The following VPS13B variants were observed in gnomAD, a reference collection of about 807,000 sequenced individuals.
VPS13B encodes vacuolar protein sorting 13 homolog B.
Under a neutral mutation model 426.4 loss-of-function variants are expected in VPS13B, and 285 were observed. The ratio of observed to expected loss-of-function variants is 0.67; its 90% CI spans 0.61 to 0.74. The LOEUF (loss-of-function observed/expected upper bound fraction) is 0.74, where lower values mean the gene tolerates loss of function less well. VPS13B is among the 30% of genes least tolerant of loss of function. VPS13B has a pLI of 0.00. For missense variants in VPS13B, 4,537 were observed against 4,782.6 expected, an observed-to-expected ratio of 0.95 and a Z score of 1.51; for synonymous variants, 1,676 against 1,676.4, an observed-to-expected ratio of 1.00 and a Z score of 0.01.
chr8:99,804,498 G>A (rs1813290125), intron 43 of VPS13B, among the ~76,000 whole-genome samples: 1 of 152,166 alleles, frequency 6.6e-6, no homozygotes, highest in Non-Finnish European at 1.5e-5. Flanking sequence ...ATTGGGGACG[G>A]AGTGACTGCA....
chr8:99,274,295 G>A lies in VPS13B; in HGVS notation c.2613G>A (p.Gly871=), dbSNP rs543695683. 6.2e-7 allele frequency: 1 copy of A among 1,614,124 alleles called. No individual in the cohort carries two copies. The highest frequency in any genetic ancestry group is 8.5e-7 in the Non-Finnish European group (1 of 1,180,018). The change falls in exon 18 of 62, where the codon GGG becomes GGA. Residue 871 remains glycine (G), a synonymous_variant. Transcript: ENST00000357162. ...CSTSLVKCAS[G]TMGSIKICAK... ...CATCATTGGTCAAATGTGCCTCTGG[G>A]ACCATGGGATCAATAAAAATTTGTG...
At chr8:99,332,512 C>T (rs1295644409) in intron 19 of VPS13B, among the ~76,000 whole-genome samples, 1 of 151,472 alleles carries the variant, frequency 6.6e-6, no homozygotes, top group Non-Finnish European at 1.5e-5. Flanking sequence ...TAATTCAGTA[C>T]ATTCTCTGAG....
intron 36 of VPS13B, among the ~76,000 whole-genome samples, chr8:99,708,879 G>C (rs185004349): frequency 2.0e-5 from 3 of 147,308 alleles, no homozygotes; most frequent in Non-Finnish European, 4.5e-5. Flanking sequence ...TCTCTTTTGC[G>C]CTCTCTATAT....
At chr8:99,567,477 G>GT (rs1407707723) in intron 31 of VPS13B, among the ~76,000 whole-genome samples, 3 of 135,414 alleles carry the variant, frequency 2.2e-5, no homozygotes, top group Admixed American at 8.1e-5. Flanking sequence ...GTTTTTGTTG[G>GT]TGTTTTTTTT....
chr8:99,874,507 A>G (rs7824885), intron 61 of VPS13B, among the ~76,000 whole-genome samples: 2,860 of 152,296 alleles, frequency 0.019, 84 homozygotes, highest in African/African-American at 0.065. Flanking sequence ...ACTAGAAACA[A>G]GTCTTTCTTT....
intron 17 of VPS13B, among the ~76,000 whole-genome samples, chr8:99,267,394 AC>A (rs1396677326): frequency 6.6e-6 from 1 of 152,156 alleles, no homozygotes; most frequent in Non-Finnish European, 1.5e-5. Flanking sequence ...AGTAGGCAGA[AC>A]ATAAAAGTTT....
At position 99,821,432 on chromosome 8, in the gene VPS13B, G is replaced by A. The variant is rs1588747460; in HGVS notation, c.9133G>A (p.Ala3045Thr). The stretch of plus-strand genomic sequence containing the variant: ...TGAAGTTGTGACACTGGATGAAGAA[G>A]CGTTTGTTGATACTGAAATAAGACT... ...NGEVVTLDEE[A>T]FVDTEIRLGA... The change falls in exon 50 of 62, where the codon GCG (alanine) becomes ACG (threonine). Residue 3045 changes from alanine to threonine, a missense_variant. This residue lies in a region of VPS13B where 4,311 missense variants were observed against 4,474.3 expected (regional missense o/e 0.96). Coordinates refer to ENST00000357162, the MANE Select transcript of VPS13B (RefSeq NM_152564.5). 2 of 1,613,818 alleles carry A rather than the reference G, an allele frequency of 1.2e-6. No homozygotes were observed. The highest frequency in any genetic ancestry group is 4.5e-5 in the East Asian group (2 of 44,860).
chr8:99,209,029 C>G (rs909047391), intron 17 of VPS13B, among the ~76,000 whole-genome samples: 1 of 151,938 alleles, frequency 6.6e-6, no homozygotes, highest in African/African-American at 2.4e-5. Flanking sequence ...GCCTGTAATC[C>G]CAGCACTTTG....
intron 19 of VPS13B, among the ~76,000 whole-genome samples, chr8:99,283,222 A>G (rs545738852): frequency 1.3e-5 from 2 of 152,360 alleles, no homozygotes; most frequent in East Asian, 3.9e-4. Context: ...GACAGAACAT[A>G]TGAGTAAGAA....
At chr8:99,849,228 C>A (rs1816134253) in intron 55 of VPS13B, among the ~76,000 whole-genome samples, 2 of 152,190 alleles carry the variant, frequency 1.3e-5, no homozygotes, top group South Asian at 4.1e-4. Context: ...AATAATAAAA[C>A]TTAGCAATTA....
intron 37 of VPS13B, among the ~76,000 whole-genome samples, chr8:99,719,225 AAAGT>A (rs1378042596): frequency 1.3e-5 from 2 of 152,252 alleles, no homozygotes; most frequent in Non-Finnish European, 2.9e-5. Context: ...TTAAAAATAA[AAAGT>A]AAGAAAATTT....
chr8:99,591,960 T>A (rs1826702876), intron 33 of VPS13B, among the ~76,000 whole-genome samples: 1 of 152,202 alleles, frequency 6.6e-6, no homozygotes, highest in African/African-American at 2.4e-5. Context: ...CCAGCTTGGT[T>A]CCATTCTCGT....
intron 43 of VPS13B, among the ~76,000 whole-genome samples, chr8:99,803,995 G>A (rs541006293): frequency 6.6e-5 from 10 of 152,290 alleles, no homozygotes; most frequent in South Asian, 4.1e-4. Flanking sequence ...CTGACTTGGC[G>A]TTTAATCTAA....
intron 33 of VPS13B, among the ~76,000 whole-genome samples, chr8:99,636,336 A>G (rs1300684737): frequency 6.6e-6 from 1 of 152,030 alleles, no homozygotes; most frequent in Non-Finnish European, 1.5e-5. Flanking sequence ...TTCTTAAACA[A>G]TAACAATTTA....
intron 42 of VPS13B, 79 bp from the exon 43 acceptor site, chr8:99,784,236 A>G (rs1033669294): frequency 1.6e-5 from 25 of 1,587,002 alleles, no homozygotes; most frequent in East Asian, 4.5e-5. Flanking sequence ...TGTTGTAACA[A>G]TCGCCACTGG....
chr8:99,391,515 A>C, intron 20 of VPS13B, 42 bp from the exon 21 acceptor site: 1 of 1,613,816 alleles, frequency 6.2e-7, no homozygotes, highest in Non-Finnish European at 8.5e-7. Context: ...GAAATAGTGA[A>C]AAACTAAAAA....
Position 99,229,738 on chromosome 8 carries a change from C to T in VPS13B, c.2515+36681C>T, listed in dbSNP as rs1202297001. On this transcript the variant is annotated intron_variant, in intron 17 of 61. Coordinates refer to ENST00000357162, the MANE Select transcript of VPS13B (RefSeq NM_152564.5). ...ATTAAAAAAAGAGATTACAGGGAAA[C>T]AAGGTCAGAGAGTTTGGCAGGTGTC... is the stretch of plus-strand genomic sequence containing the variant. Among the ~76,000 whole-genome samples, 4 of 152,236 alleles carry T rather than the reference C, an allele frequency of 2.6e-5. No homozygotes were observed. The East Asian group carries it at 5.8e-4, about 22-fold the overall frequency.
At chr8:99,297,410 A>C (rs552290766) in intron 19 of VPS13B, among the ~76,000 whole-genome samples, 19 of 152,284 alleles carry the variant, frequency 1.2e-4, no homozygotes, top group South Asian at 6.2e-4. Flanking sequence ...GAAATTAGGA[A>C]ACTTGTCAGC....
At chr8:99,507,937 A>G (rs776456122) in intron 28 of VPS13B, 1 of 1,613,936 alleles carries the variant, frequency 6.2e-7, no homozygotes, top group East Asian at 2.2e-5. Context: ...AAATTATGCT[A>G]CACAACTCCC....
Sources: gnomAD v4.1 joint callset for allele counts (sites outside exome capture counted in the v4.1 genomes callset) on GRCh38, gnomAD v4.1.1 for gene constraint, gnomAD v4.1.1 regional missense constraint, MANE v1.5 for transcripts, NCBI Gene and HGNC (gene_info 2026-07-23, HGNC 2026-07-21) for gene names.